Variants in ITGA4 observed in about 807,000 individuals in gnomAD.
ITGA4 encodes integrin subunit alpha 4, also known as integrin alpha-4.
ITGA4 carries 63 observed loss-of-function variants against 133.6 expected under a neutral mutation model. The observed-to-expected ratio is 0.47, with a 90% CI of 0.38 to 0.58. The LOEUF is 0.58. Among genes scored for constraint, ITGA4 ranks in the 20% least tolerant of loss-of-function variants. The probability of loss-of-function intolerance (pLI) is 0.00; values close to 1 mark genes in which losing one functional copy is unlikely to be tolerated. For synonymous variants in ITGA4, 483 were observed against 438.0 expected (o/e 1.10, Z -1.28); for missense variants, 1,076 against 1,252.7 (o/e 0.86, Z 2.13).
rs118041118 is a variant in ITGA4, at chr2:181,471,753, C to T, written c.320-3207C>T. Reference sequence around the variant, plus strand: ...TTCTATTTGGAATCTCTTCTGCTCACGGGTGAATGAACCACATCACTGGCT... The same window carrying T: ...TTCTATTTGGAATCTCTTCTGCTCATGGGTGAATGAACCACATCACTGGCT... On this transcript the variant is annotated intron_variant, in intron 2 of 27. Transcript: ENST00000397033. Among the ~76,000 whole-genome samples the T allele has an allele frequency of 6.0e-4, 92 of 152,248 alleles. No individual in the cohort carries two copies. The East Asian group carries it at 0.01, about 17-fold the overall frequency.
In ITGA4 at chr2:181,530,502, CTCTTGCTT is replaced by C. The variant is rs780596144; in HGVS notation, c.2539-18_2539-11del. 6.3e-7 allele frequency: 1 copy of C among 1,597,554 alleles called. No individual in the cohort carries two copies. ...TTTCCAGTGTTGAAAGATAAGATTTCTCTTGCTTTCTGTCTTCATAGACTACTACTGGA... is the reference window on the plus strand; with the variant it reads ...TTTCCAGTGTTGAAAGATAAGATTTCTCTGTCTTCATAGACTACTACTGGA... On this transcript the variant is annotated splice_polypyrimidine_tract_variant and intron_variant, in intron 23 of 27. Transcript: ENST00000397033.
intron 12 of ITGA4, 138 bp downstream of exon 12, chr2:181,494,950 T>C (rs575086160): frequency 1.7e-6 from 1 of 593,888 alleles, no homozygotes; most frequent in East Asian, 2.8e-5. Context: ...AAAGTTCTCC[T>C]TAATTCATTC....
chr2:181,537,061 CA>C lies in ITGA4; in HGVS notation c.*1538del. On this transcript the variant is annotated 3_prime_UTR_variant, in exon 28 of 28. Transcript: ENST00000397033. The stretch of plus-strand genomic sequence containing the variant: ...GCATTTGAGTAGTGAAATGTAAGCA[CA>C]AAACCTCCTGAACCCAGAGTGTGTA... The C allele has an allele frequency of 2.3e-6, 1 of 444,430 alleles. No homozygotes were observed. 27.5% of individuals were successfully genotyped at this position (444,430 alleles called of 1,614,324 possible). A position where few individuals can be genotyped will look rare whatever the true frequency, so the allele number is the denominator to read the frequency against.
chr2:181,475,399 GT>G, intron 4 of ITGA4, 111 bp downstream of exon 4: 1 of 840,158 alleles, frequency 1.2e-6, no homozygotes, highest in East Asian at 2.5e-5. Context: ...GATCTTCTAA[GT>G]AATTATGTTC....
At chr2:181,484,189 T>C (rs1237217111) in intron 9 of ITGA4, among the ~76,000 whole-genome samples, 1 of 152,190 alleles carries the variant, frequency 6.6e-6, no homozygotes, top group Non-Finnish European at 1.5e-5. Flanking sequence ...TTGTCTGTCT[T>C]GTTTACCGTG....
In ITGA4 at chr2:181,535,441, TTTAAAAGACAA is replaced by T; in HGVS notation, c.3015_3025del (p.Phe1005LeufsTer20). 1 of 1,606,686 alleles carries T rather than the reference TTTAAAAGACAA, an allele frequency of 6.2e-7. No individual in the cohort carries two copies. On this transcript the variant is annotated frameshift_variant, in exon 28 of 28. Transcript: ENST00000397033. LOFTEE classifies it high-confidence loss of function. ...GTTATGCTATTTTCAGGCTGGCTTC[TTTAAAAGACAA>T]TACAAATCTATCCTACAAGAAGAAA... is the stretch of plus-strand genomic sequence containing the variant.
intron 9 of ITGA4, 43 bp from the exon 10 acceptor site, chr2:181,485,838 A>G (rs1176399760): frequency 3.4e-6 from 5 of 1,483,776 alleles, no homozygotes; most frequent in Middle Eastern, 1.7e-4. Context: ...TAAAGTTGTC[A>G]GGGAGTGTTA....
intron 27 of ITGA4, among the ~76,000 whole-genome samples, chr2:181,535,198 G>A (rs997062714): frequency 1.3e-5 from 2 of 152,102 alleles, no homozygotes; most frequent in Non-Finnish European, 2.9e-5. Flanking sequence ...CAATTTTGGA[G>A]AGAATGTGGT....
chr2:181,476,931 CACAAG>C (rs1379249833), intron 4 of ITGA4, among the ~76,000 whole-genome samples: 5 of 152,006 alleles, frequency 3.3e-5, no homozygotes, highest in African/African-American at 1.2e-4. Flanking sequence ...TACATATGGA[CACAAG>C]GGACACAAAG....
Position 181,525,301 on chromosome 2 carries a change from C to A in ITGA4, c.2339+10C>A. On this transcript the variant is annotated intron_variant, in intron 21 of 27. Coordinates refer to ENST00000397033, the MANE Select transcript of ITGA4 (RefSeq NM_000885.6). ...AGCTGACTGTTCATGGGTAAGTAGA[C>A]ATAAAGGCTTCCTTTCAAATTTAGA... 3 of 1,404,988 alleles carry A rather than the reference C, an allele frequency of 2.1e-6. No individual in the cohort carries two copies. Among genetic ancestry groups the A allele is most frequent in the Non-Finnish European group, 2.0e-6 (2 of 995,968 alleles). The allele number at this position is 1,404,988 out of a possible 1,614,324, so 87.0% of individuals were successfully genotyped here.
chr2:181,526,821 C>CTTTTTTTTTTTTTTTTTTTTTT lies in ITGA4; in HGVS notation c.2340-465_2340-444dup, dbSNP rs538208494. 3.2e-4 allele frequency among the ~76,000 whole-genome samples: 13 copies of CTTTTTTTTTTTTTTTTTTTTTT among 41,004 alleles called. 4 individuals are homozygous for CTTTTTTTTTTTTTTTTTTTTTT. Among genetic ancestry groups the CTTTTTTTTTTTTTTTTTTTTTT allele is most frequent in the Admixed American group, 8.0e-4 (2 of 2,500 alleles). 26.9% of individuals were successfully genotyped at this position (41,004 alleles called of 152,430 possible). ...TGTCACCCAGGTCAGAGCACATGGC[C>CTTTTTTTTTTTTTTTTTTTTTT]TTTTTTTTTTTTTTTTTTTTTTTTT... On this transcript the variant is annotated intron_variant, in intron 21 of 27. Coordinates refer to ENST00000397033, the MANE Select transcript of ITGA4 (RefSeq NM_000885.6).
rs550315086 is a variant in ITGA4 at position 181,533,574 on chromosome 2, C to T, written c.2785-698C>T. On this transcript the variant is annotated intron_variant, in intron 25 of 27. Coordinates refer to ENST00000397033, the MANE Select transcript of ITGA4 (RefSeq NM_000885.6). ...GGTAGTACCACCTCCCACGTTCTGA[C>T]ACTTGACAGTTTCTTTAGACATTCC... Among the ~76,000 whole-genome samples, 17 of 152,270 alleles carry T rather than the reference C, an allele frequency of 1.1e-4. 1 individual carries two copies. The South Asian group carries it at 2.9e-3, about 26-fold the overall frequency.
intron 21 of ITGA4, among the ~76,000 whole-genome samples, chr2:181,526,821 CTTTTTTTTTTTTTTTTTTTTT>C (rs538208494): frequency 7.3e-5 from 3 of 41,008 alleles, no homozygotes; most frequent in African/African-American, 1.9e-4. Context: ...AGCACATGGC[CTTTTTTTTTTTTTTTTTTTTT>C]TTTTTTTTTT....
chr2:181,509,586 G>A, intron 15 of ITGA4, 72 bp from the exon 16 acceptor site: 1 of 1,233,676 alleles, frequency 8.1e-7, no homozygotes, highest in Non-Finnish European at 1.1e-6. Flanking sequence ...GCCCTTTTCA[G>A]GAAAGGAGTT....
chr2:181,518,276 C>T (rs1240825179), intron 17 of ITGA4, among the ~76,000 whole-genome samples: 1 of 152,080 alleles, frequency 6.6e-6, no homozygotes, highest in East Asian at 1.9e-4. Flanking sequence ...TTAGTTATTA[C>T]ACATTCTTCC....
At chr2:181,510,121 C>T (rs538226131) in intron 16 of ITGA4, among the ~76,000 whole-genome samples, 16 of 152,124 alleles carry the variant, frequency 1.1e-4, no homozygotes, top group Admixed American at 2.6e-4. Context: ...ATTGTATTTA[C>T]AAGTTAGTTA....
intron 17 of ITGA4, 127 bp from the exon 18 acceptor site, chr2:181,522,064 T>C (rs1042711862): frequency 1.0e-5 from 5 of 491,230 alleles, no homozygotes; most frequent in Non-Finnish European, 1.0e-5. Flanking sequence ...AATCCCATGA[T>C]TGTTTTTCCA....
intron 17 of ITGA4, among the ~76,000 whole-genome samples, chr2:181,517,346 T>C (rs1446725990): frequency 1.3e-5 from 2 of 152,050 alleles, no homozygotes; most frequent in African/African-American, 4.8e-5. Context: ...TTGGGGAGCA[T>C]TTCTTGCAAA....
chr2:181,460,902 A>G (rs572527847), intron 2 of ITGA4, among the ~76,000 whole-genome samples: 77 of 152,232 alleles, frequency 5.1e-4, no homozygotes, highest in African/African-American at 1.8e-3. Flanking sequence ...TGTTATAATG[A>G]TTAAAGATCG....
Sources: gnomAD v4.1 joint callset for allele counts (sites outside exome capture counted in the v4.1 genomes callset) on GRCh38, gnomAD v4.1.1 for gene constraint, MANE v1.5 for transcripts, NCBI Gene and HGNC (gene_info 2026-07-23, HGNC 2026-07-21) for gene names.